CTNNA3: variants seen among roughly 807,000 people sequenced by gnomAD.
The protein encoded by CTNNA3 is catenin alpha-3.
A neutral mutation model predicts 95.7 loss-of-function variants in CTNNA3; 76 were observed. That is an observed-to-expected ratio of 0.79 (90% CI 0.66 to 0.96). The LOEUF (loss-of-function observed/expected upper bound fraction) is 0.96, where lower values mean the gene tolerates loss of function less well. CTNNA3 is among the 40% of genes least tolerant of loss of function. The pLI, the probability that CTNNA3 is intolerant of heterozygous loss-of-function variation, is 0.00. For synonymous variants in CTNNA3, 431 were observed against 374.4 expected, an observed-to-expected ratio of 1.15 and a Z score of -1.74; for missense variants, 1,191 against 1,089.8, an observed-to-expected ratio of 1.09 and a Z score of -1.31.
intron 11 of CTNNA3, among the ~76,000 whole-genome samples, chr10:66,431,121 T>A (rs1247234278): frequency 1.3e-5 from 2 of 151,304 alleles, no homozygotes; most frequent in Admixed American, 1.3e-4. Context: ...AAGACATTTA[T>A]GCAGCCTACA....
chr10:66,450,230 T>A (rs2093454115), intron 11 of CTNNA3, among the ~76,000 whole-genome samples: 1 of 152,294 alleles, frequency 6.6e-6, no homozygotes, highest in Admixed American at 6.5e-5. Context: ...TTTTCTCATT[T>A]GATATTTTGC....
At chr10:67,097,601 G>C in intron 7 of CTNNA3, 1 of 1,612,110 alleles carries the variant, frequency 6.2e-7, no homozygotes, top group Non-Finnish European at 8.5e-7. Flanking sequence ...CTTTATCAAT[G>C]AATGTGTCAA....
At chr10:66,839,218 C>T (rs1842971205) in intron 7 of CTNNA3, among the ~76,000 whole-genome samples, 1 of 152,124 alleles carries the variant, frequency 6.6e-6, no homozygotes, top group Admixed American at 6.5e-5. Flanking sequence ...AAATCTGATT[C>T]TCTTTATTCT....
chr10:67,346,190 G>A (rs2616693), intron 5 of CTNNA3, among the ~76,000 whole-genome samples: 132,430 of 152,098 alleles, frequency 0.87, 59,281 homozygotes, highest in East Asian at 1. Flanking sequence ...GTACTATCTA[G>A]GTCTTTAAAA....
chr10:66,165,166 C>G (rs2085060898), intron 13 of CTNNA3, among the ~76,000 whole-genome samples: 1 of 152,088 alleles, frequency 6.6e-6, no homozygotes, highest in Non-Finnish European at 1.5e-5. Context: ...AAGGCAGGAA[C>G]AGAAAACCAA....
intron 4 of CTNNA3, among the ~76,000 whole-genome samples, chr10:67,536,279 C>T (rs1464205916): frequency 6.6e-6 from 1 of 152,062 alleles, no homozygotes; most frequent in African/African-American, 2.4e-5. Context: ...TGCCTTGATT[C>T]TGTGTTGCTC....
intron 11 of CTNNA3, among the ~76,000 whole-genome samples, chr10:66,514,823 A>G (rs1450147198): frequency 1.3e-5 from 2 of 152,280 alleles, no homozygotes; most frequent in East Asian, 3.9e-4. Context: ...CATCCCTTCT[A>G]TCAAAGTTTG....
At chr10:66,696,241 A>C (rs1287901896) in intron 9 of CTNNA3, among the ~76,000 whole-genome samples, 1 of 152,158 alleles carries the variant, frequency 6.6e-6, no homozygotes, top group African/African-American at 2.4e-5. Context: ...CGTTTTTTAG[A>C]TGTCATCAGT....
chr10:67,758,829 T>C (rs1841447908), intron 1 of CTNNA3, among the ~76,000 whole-genome samples: 1 of 152,164 alleles, frequency 6.6e-6, no homozygotes, highest in Non-Finnish European at 1.5e-5. Context: ...TATTACAAAG[T>C]CAAAGAAAAC....
At chr10:66,018,022 T>C (rs2079127880) in intron 15 of CTNNA3, among the ~76,000 whole-genome samples, 2 of 151,972 alleles carry the variant, frequency 1.3e-5, no homozygotes, top group African/African-American at 4.8e-5. Flanking sequence ...CCTTTGGCCA[T>C]AAAAGAAAAT....
At chr10:65,985,079 T>C (rs1279410591) in intron 16 of CTNNA3, among the ~76,000 whole-genome samples, 1 of 151,244 alleles carries the variant, frequency 6.6e-6, no homozygotes, top group Non-Finnish European at 1.5e-5. Context: ...AAACAGTTTA[T>C]TATAATTAGT....
intron 13 of CTNNA3, among the ~76,000 whole-genome samples, chr10:66,223,246 T>C (rs1387766312): frequency 6.6e-6 from 1 of 152,022 alleles, no homozygotes; most frequent in Admixed American, 6.6e-5. Flanking sequence ...GTCTAAAGAA[T>C]AATGCCAAGC....
At chr10:65,984,214 A>G (rs905802976) in intron 16 of CTNNA3, among the ~76,000 whole-genome samples, 4 of 151,300 alleles carry the variant, frequency 2.6e-5, no homozygotes, top group Admixed American at 2.6e-4. Flanking sequence ...TTTTTTCATA[A>G]TATACATAGA....
At chr10:66,086,795 T>C (rs2081002350) in intron 14 of CTNNA3, among the ~76,000 whole-genome samples, 1 of 152,048 alleles carries the variant, frequency 6.6e-6, no homozygotes, top group African/African-American at 2.4e-5. Flanking sequence ...TCTTGGAAGA[T>C]TATTGTTAGT....
chr10:66,825,354 C>T (rs974866086), intron 7 of CTNNA3, among the ~76,000 whole-genome samples: 5 of 150,900 alleles, frequency 3.3e-5, no homozygotes, highest in African/African-American at 7.3e-5. Flanking sequence ...CAGCTCACTG[C>T]AACCTCCTCC....
At chr10:67,422,204 G>A (rs1845770782) in intron 5 of CTNNA3, among the ~76,000 whole-genome samples, 1 of 151,942 alleles carries the variant, frequency 6.6e-6, no homozygotes, top group Non-Finnish European at 1.5e-5. Flanking sequence ...GAATATGTGT[G>A]GACTCTAAAC....
intron 7 of CTNNA3, among the ~76,000 whole-genome samples, chr10:67,094,842 T>C (rs1347688308): frequency 6.6e-6 from 1 of 151,720 alleles, no homozygotes; most frequent in Non-Finnish European, 1.5e-5. Flanking sequence ...TGTGCATACA[T>C]ATACCATATC....
At chr10:66,674,402 T>C (rs553818241) in intron 9 of CTNNA3, among the ~76,000 whole-genome samples, 168 of 152,160 alleles carry the variant, frequency 1.1e-3, no homozygotes, top group African/African-American at 4.0e-3. Flanking sequence ...GCACTGAATG[T>C]AGGTCTTTCT....
At chr10:66,867,341 T>C (rs1282781212) in intron 7 of CTNNA3, among the ~76,000 whole-genome samples, 3 of 152,218 alleles carry the variant, frequency 2.0e-5, no homozygotes, top group African/African-American at 7.2e-5. Context: ...TTTATTTTGT[T>C]TCTATTGAAT....
Sources: allele counts gnomAD v4.1 joint callset (sites outside exome capture counted in the v4.1 genomes callset), GRCh38; gene constraint gnomAD v4.1.1; transcripts MANE v1.5; gene names NCBI Gene and HGNC (gene_info 2026-07-23, HGNC 2026-07-21).